Variants in PTPRN2 observed in about 807,000 individuals in gnomAD.
PTPRN2 encodes protein tyrosine phosphatase receptor type N2.
PTPRN2 carries 74 observed loss-of-function variants against 118.8 expected under a neutral mutation model. The ratio of observed to expected loss-of-function variants is 0.62; its 90% CI spans 0.52 to 0.76. The LOEUF (loss-of-function observed/expected upper bound fraction) is 0.76. Among genes scored for constraint, PTPRN2 ranks in the 30% least tolerant of loss-of-function variants. The pLI is 0.00. For missense variants in PTPRN2, 1,481 were observed against 1,394.4 expected (o/e 1.06, Z -0.99); for synonymous variants, 641 against 608.0 (o/e 1.05, Z -0.80).
chr7:157,665,869 C>A (rs910820791), intron 13 of PTPRN2, among the ~76,000 whole-genome samples: 7 of 152,164 alleles, frequency 4.6e-5, no homozygotes, highest in African/African-American at 1.7e-4. Context: ...TCATTCTCAG[C>A]AAAATATCAC....
In PTPRN2 at chr7:158,032,123, C is replaced by A. The variant is rs539910591; in HGVS notation, c.1723+49175G>T. ...TGTGTGGAGTCTTCGGCTTCCCTTT[C>A]GGAAACCTGCCCCCACGCCTGGCCC... On this transcript the variant is annotated intron_variant, in intron 11 of 22. Coordinates refer to ENST00000389418, the MANE Select transcript of PTPRN2 (RefSeq NM_002847.5). Among the ~76,000 whole-genome samples, 8 of 152,342 alleles carry A rather than the reference C, an allele frequency of 5.3e-5. No homozygotes were observed. In the South Asian group the frequency reaches 1.2e-3, roughly 24 times the overall value.
intron 8 of PTPRN2, among the ~76,000 whole-genome samples, chr7:158,135,085 A>G (rs1818694303): frequency 1.3e-5 from 2 of 152,202 alleles, no homozygotes; most frequent in Non-Finnish European, 1.5e-5. Context: ...CTCCTGGTGC[A>G]TGTGATGCCA....
At chr7:158,571,330 T>C (rs1828017342) in intron 1 of PTPRN2, among the ~76,000 whole-genome samples, 1 of 151,758 alleles carries the variant, frequency 6.6e-6, no homozygotes, top group Admixed American at 6.6e-5. Context: ...ATACAAAAAT[T>C]AGCCAAGCAT....
chr7:158,104,318 A>G (rs1415682363), intron 10 of PTPRN2, among the ~76,000 whole-genome samples: 1 of 152,220 alleles, frequency 6.6e-6, no homozygotes, highest in Admixed American at 6.5e-5. Context: ...CTCAGGCTCA[A>G]AGACTCCTGA....
chr7:157,749,704 C>G (rs1801327272), intron 12 of PTPRN2, among the ~76,000 whole-genome samples: 1 of 141,842 alleles, frequency 7.1e-6, no homozygotes, highest in South Asian at 2.3e-4. Flanking sequence ...GATTCTGAGG[C>G]CTGTGTCCCT....
intron 3 of PTPRN2, among the ~76,000 whole-genome samples, chr7:158,270,869 GCCCCC>G (rs1798371311): frequency 1.9e-3 from 24 of 12,900 alleles, no homozygotes; most frequent in Middle Eastern, 0.056. Flanking sequence ...CACCTGGACC[GCCCCC>G]TCCACCTGGA....
intron 2 of PTPRN2, among the ~76,000 whole-genome samples, chr7:158,336,604 C>T (rs143912596): frequency 1.1e-5 from 1 of 94,278 alleles, no homozygotes; most frequent in African/African-American, 3.2e-5. Context: ...CACACCCACA[C>T]TCTCACCATA....
chr7:157,822,806 C>T (rs1212632759), intron 12 of PTPRN2, among the ~76,000 whole-genome samples: 1 of 152,034 alleles, frequency 6.6e-6, no homozygotes, highest in Admixed American at 6.5e-5. Context: ...GCCCATCCAT[C>T]CATCCATCCT....
intron 3 of PTPRN2, among the ~76,000 whole-genome samples, chr7:158,306,470 C>T (rs1801293041): frequency 6.6e-6 from 1 of 152,196 alleles, no homozygotes; most frequent in Non-Finnish European, 1.5e-5. Context: ...CCCACACTCA[C>T]ACAGAACCCT....
At chr7:157,684,387 G>T (rs1797062269) in intron 12 of PTPRN2, among the ~76,000 whole-genome samples, 1 of 142,270 alleles carries the variant, frequency 7.0e-6, no homozygotes, top group Non-Finnish European at 1.5e-5. Flanking sequence ...AAGGGGGAGG[G>T]AGAGGGAAAG....
intron 3 of PTPRN2, among the ~76,000 whole-genome samples, chr7:158,234,132 C>A (rs1455699128): frequency 6.6e-6 from 1 of 152,018 alleles, no homozygotes; most frequent in Non-Finnish European, 1.5e-5. Flanking sequence ...GAGATCACAT[C>A]AAGCTAAAAG....
chr7:158,580,933 C>A (rs564113033), intron 1 of PTPRN2, among the ~76,000 whole-genome samples: 4 of 152,156 alleles, frequency 2.6e-5, no homozygotes, highest in Non-Finnish European at 5.9e-5. Flanking sequence ...AGAAGGCACA[C>A]CAAATATTTG....
intron 15 of PTPRN2, among the ~76,000 whole-genome samples, chr7:157,612,794 C>T (rs1423059124): frequency 6.6e-6 from 1 of 151,484 alleles, no homozygotes; most frequent in Non-Finnish European, 1.5e-5. Context: ...GAGCAACTCA[C>T]TTCCGCCGCA....
chr7:158,319,727 ACACT>A (rs145463929), intron 2 of PTPRN2, among the ~76,000 whole-genome samples: 232 of 5,672 alleles, frequency 0.041, 97 homozygotes, highest in Non-Finnish European at 0.068. Flanking sequence ...TCCCTCACAC[ACACT>A]CACAGTCTCC....
Position 158,570,969 on chromosome 7 carries a change from C to T in PTPRN2, c.112+16589G>A, listed in dbSNP as rs1323218987. 6.6e-6 allele frequency among the ~76,000 whole-genome samples: 1 copy of T among 152,258 alleles called. No homozygotes were observed. The highest frequency in any genetic ancestry group is 2.4e-5 in the African/African-American group (1 of 41,472). On this transcript the variant is annotated intron_variant, in intron 1 of 22. Coordinates refer to ENST00000389418, the MANE Select transcript of PTPRN2 (RefSeq NM_002847.5). This position sits in a 1 kb window ranked among gnomAD's most constrained non-coding sequence, Gnocchi z 4.5. ...GGGTCCCGGATGGCAAAGCCATACG[C>T]AGGAGCCTTCCCAGCAGCCGCCGCC...
rs1437778122 is a variant in PTPRN2, at chr7:157,785,186, T to C, written c.1789-102249A>G. Among the ~76,000 whole-genome samples the C allele has an allele frequency of 6.7e-6, 1 of 149,024 alleles. No individual in the cohort carries two copies. Among genetic ancestry groups the C allele is most frequent in the African/African-American group, 2.5e-5 (1 of 40,072 alleles). On this transcript the variant is annotated intron_variant, in intron 12 of 22. Coordinates refer to ENST00000389418, the MANE Select transcript of PTPRN2 (RefSeq NM_002847.5). This position sits in a 1 kb window ranked among gnomAD's most constrained non-coding sequence, Gnocchi z 7.3. ...CAGGCTCTCCACAGGGGCTCTGGCA[T>C]GGAGCAGGATAACCCGGGCCCACGT...
At chr7:157,950,005 A>T (rs530176677) in intron 11 of PTPRN2, among the ~76,000 whole-genome samples, 26 of 152,368 alleles carry the variant, frequency 1.7e-4, no homozygotes, top group African/African-American at 6.3e-4. Flanking sequence ...CACAGTCCTG[A>T]GATCTTGGGT....
chr7:158,557,931 A>G (rs1268940865), intron 1 of PTPRN2, among the ~76,000 whole-genome samples: 1 of 152,212 alleles, frequency 6.6e-6, no homozygotes, highest in Non-Finnish European at 1.5e-5. Context: ...GCACCTCGCC[A>G]TCTTCCCAGC....
intron 2 of PTPRN2, among the ~76,000 whole-genome samples, chr7:158,440,720 AGGT>A (rs1200080003): frequency 7.8e-6 from 1 of 128,786 alleles, no homozygotes; most frequent in Admixed American, 7.6e-5. Context: ...GTAGTGGTGA[AGGT>A]GGTGGTGATG....
Sources: allele counts gnomAD v4.1 joint callset (sites outside exome capture counted in the v4.1 genomes callset), GRCh38; gene constraint gnomAD v4.1.1; non-coding constraint Gnocchi (gnomAD v3.1); transcripts MANE v1.5; gene names NCBI Gene and HGNC (gene_info 2026-07-23, HGNC 2026-07-21).